Variants in TMPRSS15 observed in about 807,000 individuals in gnomAD.
The protein encoded by TMPRSS15 is transmembrane serine protease 15.
In TMPRSS15, 128 loss-of-function variants were observed where a neutral mutation model predicts 125.3. The ratio of observed to expected loss-of-function variants is 1.02; its 90% CI spans 0.89 to 1.18. The LOEUF (loss-of-function observed/expected upper bound fraction) is 1.18, where lower values mean the gene tolerates loss of function less well. Ranked by LOEUF, TMPRSS15 falls within the 50% of genes most tolerant of loss-of-function variation. TMPRSS15 has a pLI of 0.00. For missense variants in TMPRSS15, 1,283 were observed against 1,212.7 expected, an observed-to-expected ratio of 1.06 and a Z score of -0.86; for synonymous variants, 446 against 423.2, an observed-to-expected ratio of 1.05 and a Z score of -0.66.
rs370161808 is a variant in TMPRSS15, at chr21:18,271,965, A to T, written c.2905-1841T>A. Reference sequence around the variant, plus strand: ...GGTGTATATGTGCCACATTTTCTTTATTCAGTCTATCATTGATGATGGGCA... The same window carrying T: ...GGTGTATATGTGCCACATTTTCTTTTTTCAGTCTATCATTGATGATGGGCA... On this transcript the variant is annotated intron_variant, in intron 24 of 24. Coordinates refer to ENST00000284885, the MANE Select transcript of TMPRSS15 (RefSeq NM_002772.3). Among the ~76,000 whole-genome samples, 146 of 150,972 alleles carry T rather than the reference A, an allele frequency of 9.7e-4. 3 individuals carry two copies. The highest frequency in any genetic ancestry group is 3.3e-3 in the African/African-American group (135 of 40,942).
rs1978439784 is a variant in TMPRSS15, at chr21:18,456,320, AACT to A, written c.10+29476_10+29478del. Among the ~76,000 whole-genome samples the A allele has an allele frequency of 2.0e-5, 3 of 152,148 alleles. No homozygotes were observed. In the South Asian group the frequency reaches 6.2e-4, roughly 31 times the overall value. On this transcript the variant is annotated intron_variant, in intron 1 of 7. Coordinates refer to the TMPRSS15 transcript ENST00000422787. ...GTCTAATGTCAGCGTTTCACTGAACAACTACATAGGCAAATTTATTTTTATCTA... is the reference window on the plus strand; with the variant it reads ...GTCTAATGTCAGCGTTTCACTGAACAACATAGGCAAATTTATTTTTATCTA...
At chr21:18,370,693 G>T (rs2075783786) in intron 6 of TMPRSS15, among the ~76,000 whole-genome samples, 1 of 152,042 alleles carries the variant, frequency 6.6e-6, no homozygotes, top group Non-Finnish European at 1.5e-5. Context: ...AACTTTAAAG[G>T]TCTGAATTTT....
intron 21 of TMPRSS15, among the ~76,000 whole-genome samples, chr21:18,288,050 A>T (rs894146975): frequency 2.0e-5 from 3 of 152,210 alleles, no homozygotes; most frequent in African/African-American, 7.2e-5. Context: ...TTATAACAGC[A>T]CTATTCACAA....
chr21:18,407,965 T>C (rs565101432), upstream of TMPRSS15, among the ~76,000 whole-genome samples: 1 of 152,284 alleles, frequency 6.6e-6, no homozygotes, highest in African/African-American at 2.4e-5. Context: ...TGACATATTC[T>C]GGTTAGGTGA....
At chr21:18,434,195 C>A (rs1027219852) in intron 1 of TMPRSS15, among the ~76,000 whole-genome samples, 8 of 152,156 alleles carry the variant, frequency 5.3e-5, no homozygotes, top group Non-Finnish European at 7.4e-5. Context: ...AAGGAAGACT[C>A]ACCATAATCT....
intron 4 of TMPRSS15, among the ~76,000 whole-genome samples, chr21:18,382,576 C>T (rs1215379818): frequency 6.6e-6 from 1 of 152,126 alleles, no homozygotes; most frequent in Non-Finnish European, 1.5e-5. Context: ...GATTTAGAGG[C>T]AAACATACCG....
chr21:18,415,673 A>G (rs189614269), intron 1 of TMPRSS15, among the ~76,000 whole-genome samples: 1 of 152,138 alleles, frequency 6.6e-6, no homozygotes, highest in African/African-American at 2.4e-5. Flanking sequence ...TATATGTATG[A>G]GTTTACATCT....
intron 1 of TMPRSS15, among the ~76,000 whole-genome samples, chr21:18,449,922 C>A (rs1447143477): frequency 2.6e-5 from 4 of 151,100 alleles, no homozygotes; most frequent in Admixed American, 1.3e-4. Flanking sequence ...GGAAGAATAG[C>A]CTTTCAATTA....
chr21:18,473,725 A>C (rs1978823537), intron 1 of TMPRSS15, among the ~76,000 whole-genome samples: 1 of 152,120 alleles, frequency 6.6e-6, no homozygotes, highest in African/African-American at 2.4e-5. Flanking sequence ...AATACCACCC[A>C]TTCACATCCT....
intron 1 of TMPRSS15, among the ~76,000 whole-genome samples, chr21:18,399,784 C>A (rs1223350507): frequency 2.0e-5 from 3 of 151,700 alleles, no homozygotes; most frequent in Non-Finnish European, 4.4e-5. Flanking sequence ...AAAGTGAAGT[C>A]AAAAAAAGTA....
intron 1 of TMPRSS15, among the ~76,000 whole-genome samples, chr21:18,451,084 T>C (rs2076267598): frequency 6.6e-6 from 1 of 152,162 alleles, no homozygotes. Context: ...TTTTTTAAAA[T>C]ACACTGAATC....
At position 18,359,776 on chromosome 21, in the gene TMPRSS15, T is replaced by A. The variant is rs1427111286; in HGVS notation, c.861A>T (p.Gly287=). 1.4e-6 allele frequency: 2 copies of A among 1,440,430 alleles called. No homozygotes were observed. The highest frequency in any genetic ancestry group is 2.0e-6 in the Non-Finnish European group (2 of 1,025,068). The allele number at this position is 1,440,430 out of a possible 1,614,324, so 89.2% of individuals were successfully genotyped here. A position where few individuals can be genotyped will look rare whatever the true frequency, so the allele number is the denominator to read the frequency against. ...ACTTACCTCTTAAAATCTTGCTTGA[T>A]CCTACACCTTCATAAATATCTAATA... ...TDILDIYEGV[G]SSKILRASIW... The change falls in exon 8 of 25, where the codon GGA becomes GGT. Residue 287 remains glycine, a synonymous_variant. Transcript: ENST00000284885.
intron 1 of TMPRSS15, among the ~76,000 whole-genome samples, chr21:18,484,705 T>G (rs1359279675): frequency 6.6e-6 from 1 of 151,806 alleles, no homozygotes; most frequent in Non-Finnish European, 1.5e-5. Flanking sequence ...AAGAATTCAT[T>G]GTCATAAATA....
At chr21:18,330,145 C>T (rs1179993433) in intron 14 of TMPRSS15, among the ~76,000 whole-genome samples, 2 of 152,116 alleles carry the variant, frequency 1.3e-5, no homozygotes, top group East Asian at 3.9e-4. Context: ...CCTTCCTTGA[C>T]CTCCTTTCTC....
At chr21:18,392,611 C>T (rs991518869) in intron 3 of TMPRSS15, among the ~76,000 whole-genome samples, 36 of 152,176 alleles carry the variant, frequency 2.4e-4, no homozygotes, top group Non-Finnish European at 3.1e-4. Context: ...GTTCCAATGT[C>T]ACTTCCACAT....
intron 17 of TMPRSS15, among the ~76,000 whole-genome samples, chr21:18,313,521 A>C (rs2146937294): frequency 6.6e-6 from 1 of 151,796 alleles, no homozygotes; most frequent in East Asian, 1.9e-4. Flanking sequence ...AAAATTAACA[A>C]AAAAAGAGAC....
chr21:18,300,067 A>C (rs1157892116), intron 18 of TMPRSS15, among the ~76,000 whole-genome samples: 2 of 152,112 alleles, frequency 1.3e-5, no homozygotes, highest in Non-Finnish European at 2.9e-5. Flanking sequence ...TGTATCATTA[A>C]AAATAGATGT....
At chr21:18,444,728 A>G (rs1375962924) in intron 1 of TMPRSS15, among the ~76,000 whole-genome samples, 1 of 152,124 alleles carries the variant, frequency 6.6e-6, no homozygotes, top group Non-Finnish European at 1.5e-5. Flanking sequence ...TCTTTTAGTT[A>G]TTTTGAAATA....
intron 13 of TMPRSS15, among the ~76,000 whole-genome samples, chr21:18,339,174 T>C (rs572663240): frequency 2.0e-5 from 3 of 152,310 alleles, no homozygotes; most frequent in African/African-American, 7.2e-5. Context: ...ATTTATAAAA[T>C]TTGAATGAAT....
Sources: allele counts gnomAD v4.1 joint callset (sites outside exome capture counted in the v4.1 genomes callset), GRCh38; gene constraint gnomAD v4.1.1; transcripts MANE v1.5; gene names NCBI Gene and HGNC (gene_info 2026-07-23, HGNC 2026-07-21).